SLC14A2: variants seen among roughly 807,000 people sequenced by gnomAD.
SLC14A2 encodes the protein urea transporter 2.
SLC14A2 carries 91 observed loss-of-function variants against 104.6 expected under a neutral mutation model. The observed-to-expected ratio is 0.87, with a 90% CI of 0.73 to 1.04. The LOEUF is 1.04. Ranked by LOEUF, SLC14A2 falls within the 50% of genes least tolerant of loss-of-function variation. SLC14A2 has a pLI of 0.00. For synonymous variants in SLC14A2, 476 were observed against 466.4 expected, an observed-to-expected ratio of 1.02 and a Z score of -0.27; for missense variants, 1,189 against 1,156.0, an observed-to-expected ratio of 1.03 and a Z score of -0.41.
the SLC14A2 span, among the ~76,000 whole-genome samples, chr18:45,178,889 A>T: frequency 2.6e-5 from 4 of 152,184 alleles, no homozygotes; most frequent in African/African-American, 9.6e-5. Flanking sequence ...GAGCTGAAGA[A>T]AACATCTGAT....
intron 2 of SLC14A2, among the ~76,000 whole-genome samples, chr18:45,592,033 T>A: frequency 6.6e-6 from 1 of 152,132 alleles, no homozygotes; most frequent in East Asian, 1.9e-4. Flanking sequence ...AATACCTCTA[T>A]ACCCATGGCA....
At chr18:45,266,310 G>T (rs2084591838) in intron 1 of SLC14A2, among the ~76,000 whole-genome samples, 1 of 152,078 alleles carries the variant, frequency 6.6e-6, no homozygotes, top group African/African-American at 2.4e-5. Context: ...ACTGAATTTG[G>T]GGAGTTTGGA....
intron 2 of SLC14A2, among the ~76,000 whole-genome samples, chr18:45,510,610 C>G (rs752133834): frequency 2.0e-5 from 3 of 152,094 alleles, no homozygotes; most frequent in Non-Finnish European, 4.4e-5. Context: ...TAAGCCAATG[C>G]CCCACCCAGA....
intron 2 of SLC14A2, among the ~76,000 whole-genome samples, chr18:45,486,901 G>A (rs989833508): frequency 4.6e-5 from 7 of 152,174 alleles, no homozygotes; most frequent in African/African-American, 9.7e-5. Flanking sequence ...TAAAATTGTC[G>A]TTTTACAGGT....
chr18:45,349,338 T>C (rs2085479948), intron 1 of SLC14A2, among the ~76,000 whole-genome samples: 1 of 152,218 alleles, frequency 6.6e-6, no homozygotes, highest in Non-Finnish European at 1.5e-5. Flanking sequence ...CATGAGAATG[T>C]TGCAGTATAC....
chr18:45,231,142 C>T (rs936058083), intron 1 of SLC14A2, among the ~76,000 whole-genome samples: 1 of 152,210 alleles, frequency 6.6e-6, no homozygotes, highest in African/African-American at 2.4e-5. Context: ...TCCAAAGTCA[C>T]AGTGGACAAC....
chr18:45,291,060 TGA>T (rs1055783015), intron 1 of SLC14A2, among the ~76,000 whole-genome samples: 16 of 152,210 alleles, frequency 1.1e-4, no homozygotes, highest in African/African-American at 3.9e-4. Context: ...TCATGTGGGT[TGA>T]GTGTTGGCAA....
chr18:45,418,620 T>C (rs1435099274), intron 1 of SLC14A2, among the ~76,000 whole-genome samples: 1 of 152,136 alleles, frequency 6.6e-6, no homozygotes, highest in Non-Finnish European at 1.5e-5. Flanking sequence ...TTACCAGGGG[T>C]CTTGAATATC....
At chr18:45,564,810 G>A (rs912003180) in intron 2 of SLC14A2, among the ~76,000 whole-genome samples, 9 of 152,226 alleles carry the variant, frequency 5.9e-5, no homozygotes, top group Middle Eastern at 3.4e-3. Context: ...GGAGGTTCTC[G>A]GGGAGAGATC....
chr18:45,225,290 T>C (rs1248762122), intron 1 of SLC14A2, among the ~76,000 whole-genome samples: 1 of 152,128 alleles, frequency 6.6e-6, no homozygotes, highest in Non-Finnish European at 1.5e-5. Context: ...TTGTCAAAGA[T>C]CAGATGGTTG....
intron 1 of SLC14A2, among the ~76,000 whole-genome samples, chr18:45,242,931 A>G (rs959549373): frequency 3.3e-5 from 5 of 152,146 alleles, no homozygotes; most frequent in African/African-American, 4.8e-5. Context: ...TGAAATGTCA[A>G]CCTCATCTGA....
At chr18:45,391,295 T>C (rs140573268) in intron 1 of SLC14A2, among the ~76,000 whole-genome samples, 14,436 of 152,302 alleles carry the variant, frequency 0.095, 753 homozygotes, top group Non-Finnish European at 0.12. Context: ...ATGGTGTATA[T>C]GTGCCACACT....
the SLC14A2 span, among the ~76,000 whole-genome samples, chr18:45,200,672 T>TC: frequency 6.6e-6 from 1 of 152,186 alleles, no homozygotes; most frequent in African/African-American, 2.4e-5. Flanking sequence ...TTTTAGTTTT[T>TC]CACATTCAAT....
At chr18:45,631,307 C>T (rs2045341772) in intron 4 of SLC14A2, among the ~76,000 whole-genome samples, 1 of 152,246 alleles carries the variant, frequency 6.6e-6, no homozygotes, top group Admixed American at 6.5e-5. Context: ...CACAAGCACA[C>T]ACAGGTCACT....
intron 2 of SLC14A2, among the ~76,000 whole-genome samples, chr18:45,506,476 GT>G (rs1302675093): frequency 2.0e-5 from 3 of 152,138 alleles, no homozygotes; most frequent in Admixed American, 1.3e-4. Flanking sequence ...TGGAATAAGA[GT>G]TTTTTGCAGA....
At chr18:45,611,295 G>A (rs1189028340), upstream of SLC14A2, among the ~76,000 whole-genome samples, 2 of 152,158 alleles carry the variant, frequency 1.3e-5, no homozygotes, top group Admixed American at 6.5e-5. Flanking sequence ...CCCTCCCAGG[G>A]ACAGCCCTTC....
intron 1 of SLC14A2, among the ~76,000 whole-genome samples, chr18:45,431,615 T>C (rs1209227928): frequency 6.6e-6 from 1 of 152,146 alleles, no homozygotes; most frequent in Non-Finnish European, 1.5e-5. Flanking sequence ...AGCTGGACGT[T>C]AGGGCACCAC....
chr18:45,217,711 A>G (rs1243649033), intron 1 of SLC14A2, among the ~76,000 whole-genome samples: 1 of 152,130 alleles, frequency 6.6e-6, no homozygotes, highest in Admixed American at 6.5e-5. Flanking sequence ...TTTGTGTTTT[A>G]TATTTCTGTC....
At chr18:45,483,136 T>C (rs2087529437) in intron 1 of SLC14A2, 1 of 152,202 alleles carries the variant, frequency 6.6e-6, no homozygotes, top group Non-Finnish European at 1.5e-5. Flanking sequence ...GGAACATGTA[T>C]TGTTTATAAT....
Sources: allele counts gnomAD v4.1 joint callset (sites outside exome capture counted in the v4.1 genomes callset), GRCh38; gene constraint gnomAD v4.1.1; transcripts MANE v1.5; gene names NCBI Gene and HGNC (gene_info 2026-07-23, HGNC 2026-07-21).